RGS12: variants seen among roughly 807,000 people sequenced by gnomAD.
RGS12 encodes regulator of G protein signaling 12, also known as regulator of G-protein signaling 12.
RGS12 carries 66 observed loss-of-function variants against 120.1 expected under a neutral mutation model. The ratio of observed to expected loss-of-function variants is 0.55; its 90% CI spans 0.45 to 0.67. The LOEUF (loss-of-function observed/expected upper bound fraction) is 0.67. Ranked by LOEUF, RGS12 falls within the 30% of genes least tolerant of loss-of-function variation. The pLI is 0.00. For synonymous variants in RGS12, 827 were observed against 804.7 expected (o/e 1.03, Z -0.47); for missense variants, 1,859 against 1,957.7 (o/e 0.95, Z 0.95).
Position 3,316,998 on chromosome 4 carries a change from C to T in RGS12, c.828C>T (p.Ile276=). The change falls in exon 2 of 18, where the codon ATC becomes ATT. Residue 276 remains isoleucine, a synonymous_variant. Transcript: ENST00000336727. ...QKIHSLVTMK[I]MHDCVQLSTD... ...TCCACTCGCTGGTGACCATGAAGAT[C>T]ATGCACGACTGTGTGCAGCTGAGCA... 6.2e-7 allele frequency: 1 copy of T among 1,613,710 alleles called. No homozygotes were observed. The highest frequency in any genetic ancestry group is 8.5e-7 in the Non-Finnish European group (1 of 1,179,918).
intron 1 of RGS12, among the ~76,000 whole-genome samples, chr4:3,297,777 T>C (rs3135145): frequency 0.7 from 106,710 of 152,114 alleles, 39,215 homozygotes; most frequent in African/African-American, 0.93. Context: ...CGCTGTCACC[T>C]GCATTTCCCG....
intron 3 of RGS12, among the ~76,000 whole-genome samples, chr4:3,344,672 C>T (rs1464858638): frequency 6.6e-6 from 1 of 152,238 alleles, no homozygotes; most frequent in Non-Finnish European, 1.5e-5. Context: ...CAGTGCCATG[C>T]TCCTGATAGA....
intron 4 of RGS12, among the ~76,000 whole-genome samples, chr4:3,391,593 G>T (rs1436639036): frequency 6.6e-6 from 1 of 152,204 alleles, no homozygotes; most frequent in Non-Finnish European, 1.5e-5. Context: ...CTCCAAGGGA[G>T]TTTCTTAGTT....
chr4:3,354,986 G>A (rs1005904242), intron 3 of RGS12, among the ~76,000 whole-genome samples: 1 of 152,156 alleles, frequency 6.6e-6, no homozygotes, highest in Admixed American at 6.5e-5. Flanking sequence ...TCAAAAATCT[G>A]ACAAAGGACA....
At chr4:3,375,913 G>GGCCTGGATGCCTGGCAGCCTGCC (rs1717641276) in intron 3 of RGS12, among the ~76,000 whole-genome samples, 1 of 152,180 alleles carries the variant, frequency 6.6e-6, no homozygotes, top group Non-Finnish European at 1.5e-5. Flanking sequence ...CACGAATGTC[G>GGCCTGGATGCCTGGCAGCCTGCC]GCCTGGATGC....
chr4:3,337,911 A>G (rs1017185252), intron 2 of RGS12, among the ~76,000 whole-genome samples: 2 of 152,220 alleles, frequency 1.3e-5, no homozygotes, highest in African/African-American at 4.8e-5. Context: ...GTACAGCAGG[A>G]GCTGGGTGTT....
At chr4:3,309,130 TCGGGAA>T (rs1724148772) in intron 1 of RGS12, among the ~76,000 whole-genome samples, 1 of 37,974 alleles carries the variant, frequency 2.6e-5, no homozygotes, top group Non-Finnish European at 5.1e-5. Flanking sequence ...GAGCTGGGAC[TCGGGAA>T]TGGCAGGTGT....
intron 17 of RGS12, among the ~76,000 whole-genome samples, chr4:3,435,759 C>T (rs1724752257): frequency 6.6e-6 from 1 of 152,168 alleles, no homozygotes; most frequent in Non-Finnish European, 1.5e-5. Flanking sequence ...CCTGAAGTGT[C>T]TGCCTTCCAC....
At chr4:3,347,375 C>T (rs750710995) in intron 3 of RGS12, among the ~76,000 whole-genome samples, 2 of 152,054 alleles carry the variant, frequency 1.3e-5, no homozygotes, top group African/African-American at 4.8e-5. Flanking sequence ...TCCTGGGAGG[C>T]GGAGTTTGCA....
At chr4:3,406,493 G>A (rs111781491) in intron 4 of RGS12, among the ~76,000 whole-genome samples, 3,891 of 152,318 alleles carry the variant, frequency 0.026, 73 homozygotes, top group Middle Eastern at 0.088. Flanking sequence ...AGCGCCTTCA[G>A]CCAAACCCTG....
the RGS12 span, among the ~76,000 whole-genome samples, chr4:3,285,944 A>C: frequency 1.3e-5 from 2 of 152,112 alleles, no homozygotes; most frequent in African/African-American, 4.8e-5. Context: ...TCCTGCAAAC[A>C]CCAGCCCAGA....
At chr4:3,310,200 C>T (rs1724293867) in intron 1 of RGS12, among the ~76,000 whole-genome samples, 1 of 149,928 alleles carries the variant, frequency 6.7e-6, no homozygotes, top group Non-Finnish European at 1.5e-5. Context: ...CCGGGAATGG[C>T]AGGTGTCCGC....
intron 1 of RGS12, among the ~76,000 whole-genome samples, chr4:3,297,029 C>A (rs935206400): frequency 1.3e-5 from 2 of 152,224 alleles, no homozygotes; most frequent in African/African-American, 4.8e-5. Context: ...CCTCGGGCTC[C>A]GGGCAAGGAA....
At chr4:3,425,310 CTT>C in intron 13 of RGS12, 152 bp from the exon 14 acceptor site, 1 of 704,224 alleles carries the variant, frequency 1.4e-6, no homozygotes, top group East Asian at 2.5e-5. Context: ...TCAGCCCCAG[CTT>C]GTGTGCCTCA....
chr4:3,396,638 A>G (rs895525117), intron 4 of RGS12, among the ~76,000 whole-genome samples: 2 of 152,146 alleles, frequency 1.3e-5, no homozygotes, highest in African/African-American at 4.8e-5. Flanking sequence ...CTATCATTGG[A>G]TCAGGACTTC....
At chr4:3,325,199 T>C (rs774438325) in intron 2 of RGS12, among the ~76,000 whole-genome samples, 1 of 152,230 alleles carries the variant, frequency 6.6e-6, no homozygotes, top group Non-Finnish European at 1.5e-5. Context: ...GATTCCTTGG[T>C]TCAGGAATGC....
At position 3,317,371 on chromosome 4, in the gene RGS12, C is replaced by A; in HGVS notation, c.1201C>A (p.Arg401=). ...CATGGGTGAGCTGATTGAGGGCATG[C>A]GGGCCCGCGCCTTTCTGGACGGGGA... ...RDMGELIEGM[R]ARAFLDGDAD... The change falls in exon 2 of 18, where the codon CGG becomes AGG. Residue 401 remains arginine, a synonymous_variant. Coordinates refer to ENST00000336727, the MANE Select transcript of RGS12 (RefSeq NM_001394154.1). 2 of 1,614,074 alleles carry A rather than the reference C, an allele frequency of 1.2e-6. No individual in the cohort carries two copies. The highest frequency in any genetic ancestry group is 1.7e-6 in the Non-Finnish European group (2 of 1,180,048).
intron 2 of RGS12, among the ~76,000 whole-genome samples, chr4:3,327,142 A>G (rs972082781): frequency 3.9e-5 from 6 of 152,238 alleles, no homozygotes; most frequent in Non-Finnish European, 8.8e-5. Flanking sequence ...TTAAAGCCAC[A>G]TATTTACAGC....
intron 3 of RGS12, among the ~76,000 whole-genome samples, chr4:3,362,998 AGT>A (rs921464179): frequency 4.1e-5 from 6 of 145,466 alleles, no homozygotes. Flanking sequence ...TATGTGTGAG[AGT>A]GTGCACGTCT....
Sources: allele counts gnomAD v4.1 joint callset (sites outside exome capture counted in the v4.1 genomes callset), GRCh38; gene constraint gnomAD v4.1.1; transcripts MANE v1.5; gene names NCBI Gene and HGNC (gene_info 2026-07-23, HGNC 2026-07-21).